PYGM: variants seen among roughly 807,000 people sequenced by gnomAD.
PYGM encodes glycogen phosphorylase, muscle associated.
Under a neutral mutation model 99.3 loss-of-function variants are expected in PYGM, and 81 were observed. The ratio of observed to expected loss-of-function variants is 0.82; its 90% CI spans 0.68 to 0.98. The LOEUF is 0.98. PYGM is among the 50% of genes least tolerant of loss of function. PYGM has a pLI of 0.00. For synonymous variants in PYGM, 436 were observed against 451.5 expected (o/e 0.97, Z 0.44); for missense variants, 1,030 against 1,158.1 (o/e 0.89, Z 1.61).
intron 5 of PYGM, among the ~76,000 whole-genome samples, chr11:64,756,619 G>GT (rs1305759683): frequency 6.6e-5 from 10 of 151,962 alleles, no homozygotes; most frequent in Non-Finnish European, 1.3e-4. Flanking sequence ...CCCGGCTAAT[G>GT]TTTTTGTGTT....
chr11:64,756,890 T>G (rs2058397740), intron 5 of PYGM, among the ~76,000 whole-genome samples: 1 of 152,196 alleles, frequency 6.6e-6, no homozygotes, highest in Non-Finnish European at 1.5e-5. Flanking sequence ...AGCCTTTAAA[T>G]CCTGGACTCA....
intron 1 of PYGM, 53 bp from the exon 2 acceptor site, chr11:64,758,757 C>T (rs551270093): frequency 1.3e-6 from 2 of 1,484,712 alleles, no homozygotes; most frequent in South Asian, 1.1e-5. Flanking sequence ...CACACCAACA[C>T]TCAGCCAGGC....
rs75633423 is a variant in PYGM at position 64,755,563 on chromosome 11, G to C, written c.661-5C>G. On this transcript the variant is annotated splice_region_variant and splice_polypyrimidine_tract_variant and intron_variant, in intron 5 of 19. Transcript: ENST00000164139. This position sits in a 1 kb window ranked among gnomAD's most constrained non-coding sequence, Gnocchi z 4.1. Reference sequence around the variant, plus strand: ...GTAGGGCATGGCCAGTACCACCTGCGGGGGGCAATCCTGTCAGGAGCTGGC... The same window carrying C: ...GTAGGGCATGGCCAGTACCACCTGCCGGGGGCAATCCTGTCAGGAGCTGGC... The C allele has an allele frequency of 3.1e-3, 5,020 of 1,612,032 alleles. 139 individuals carry two copies. In the African/African-American group the frequency reaches 0.058, roughly 19 times the overall value.
chr11:64,746,878 G>A lies in PYGM; in HGVS notation c.2379+43C>T, dbSNP rs146320496. On this transcript the variant is annotated intron_variant, in intron 19 of 19. Coordinates refer to ENST00000164139, the MANE Select transcript of PYGM (RefSeq NM_005609.4). ...TCCACCTTCTGCCTCATCCCAACCAGGGCCACCAAAGCCCTGCCAACCCCT... is the reference window on the plus strand; with the variant it reads ...TCCACCTTCTGCCTCATCCCAACCAAGGCCACCAAAGCCCTGCCAACCCCT... 750 of 1,614,150 alleles carry A rather than the reference G, an allele frequency of 4.6e-4. 1 individual carries two copies. In the African/African-American group the frequency reaches 8.5e-3, roughly 18 times the overall value.
intron 15 of PYGM, 55 bp downstream of exon 15, chr11:64,751,542 C>G (rs749126650): frequency 5.2e-5 from 84 of 1,614,030 alleles, no homozygotes; most frequent in Non-Finnish European, 6.7e-5. Context: ...CTGGGCTGAC[C>G]TCAACCTGGA....
chr11:64,760,007 TG>T (rs2058424370), upstream of PYGM: 1 of 1,519,478 alleles, frequency 6.6e-7, no homozygotes, highest in African/African-American at 1.4e-5. Flanking sequence ...ATTTAAAGCC[TG>T]GCTCTGGGCA....
intron 1 of PYGM, among the ~76,000 whole-genome samples, chr11:64,759,262 C>T (rs1033683086): frequency 2.6e-5 from 4 of 152,098 alleles, no homozygotes; most frequent in Admixed American, 1.3e-4. Flanking sequence ...TGACATTTAC[C>T]AGTGACCCCA....
At chr11:64,751,716 C>G in intron 14 of PYGM, 61 bp from the exon 15 acceptor site, 1 of 1,599,072 alleles carries the variant, frequency 6.3e-7, no homozygotes, top group Non-Finnish European at 8.6e-7. Context: ...TAGCTCCTGA[C>G]AGAGGCTGGG....
chr11:64,752,576 C>T, intron 12 of PYGM, 72 bp from the exon 13 acceptor site: 1 of 1,443,878 alleles, frequency 6.9e-7, no homozygotes, highest in Non-Finnish European at 9.6e-7. Context: ...GGGGCCATTT[C>T]CAGGTCAGCC....
intron 17 of PYGM, among the ~76,000 whole-genome samples, chr11:64,749,895 C>A (rs758773082): frequency 6.6e-6 from 1 of 151,042 alleles, no homozygotes; most frequent in African/African-American, 2.4e-5. Context: ...TGGATTCACA[C>A]CATTCTCCTG....
upstream of PYGM, chr11:64,760,254 GTGC>G (rs1276353108): frequency 3.4e-6 from 1 of 291,536 alleles, no homozygotes; most frequent in Admixed American, 4.4e-5. Context: ...AGCAGGCAGA[GTGC>G]TGGATTGGGG....
Position 64,759,972 on chromosome 11 carries a change from AGT to A in PYGM, c.-76_-75del. The A allele has an allele frequency of 6.3e-7, 1 of 1,588,562 alleles. No homozygotes were observed. The highest frequency in any genetic ancestry group is 8.6e-7 in the Non-Finnish European group (1 of 1,165,622). On this transcript the variant is annotated 5_prime_UTR_variant, in exon 1 of 20. Coordinates refer to ENST00000164139, the MANE Select transcript of PYGM (RefSeq NM_005609.4). ...GCCTCAGCACTGCCTCCAGCCAAGG[AGT>A]GGAGCTCCCCAGCCTCAAGGGGATT...
intron 16 of PYGM, 93 bp from the exon 17 acceptor site, chr11:64,750,676 G>A (rs2058350067): frequency 7.9e-6 from 10 of 1,259,022 alleles, no homozygotes; most frequent in Non-Finnish European, 1.1e-5. Flanking sequence ...GGCATAGCTG[G>A]ACTCAGAGTC....
chr11:64,752,865 C>T (rs995880180), intron 12 of PYGM, among the ~76,000 whole-genome samples: 1 of 152,242 alleles, frequency 6.6e-6, no homozygotes, highest in Non-Finnish European at 1.5e-5. Flanking sequence ...CCTCCACAGC[C>T]AGGGCCTCCA....
At chr11:64,759,542 G>T in intron 1 of PYGM, 114 bp downstream of exon 1, 2 of 1,516,920 alleles carry the variant, frequency 1.3e-6, no homozygotes, top group Admixed American at 3.6e-5. Context: ...GGCACCCCTG[G>T]ATTCTCCACC....
upstream of PYGM, chr11:64,760,041 T>C (rs1020102846): frequency 3.9e-5 from 50 of 1,288,706 alleles, no homozygotes; most frequent in African/African-American, 6.7e-4. Flanking sequence ...TCCCCTGCAA[T>C]GGGAGGGTCT....
At chr11:64,751,848 T>C (rs2135830372) in intron 14 of PYGM, 76 bp downstream of exon 14, 5 of 1,589,338 alleles carry the variant, frequency 3.1e-6, no homozygotes, top group Non-Finnish European at 3.5e-6. Context: ...AAAGGAGATG[T>C]TGGTTGGGCA....
chr11:64,759,703 C>T lies in PYGM; in HGVS notation c.196G>A (p.Gly66Arg). The T allele has an allele frequency of 6.2e-7, 1 of 1,614,178 alleles. No individual in the cohort carries two copies. The highest frequency in any genetic ancestry group is 8.5e-7 in the Non-Finnish European group (1 of 1,180,024). ...LAHTVRDHLV[G>R]RWIRTQQHYY... The stretch of plus-strand genomic sequence containing the variant: ...TGCTGCTGCGTGCGGATCCAGCGCC[C>T]CACGAGGTGGTCGCGCACGGTATGG... The change falls in exon 1 of 20, where the codon GGG becomes AGG. Residue 66 changes from glycine to arginine, a missense_variant. Coordinates refer to ENST00000164139, the MANE Select transcript of PYGM (RefSeq NM_005609.4).
In PYGM at chr11:64,752,458, A is replaced by G. The variant is rs2058363415; in HGVS notation, c.1565T>C (p.Leu522Pro). Residue 522 changes from leucine (L) to proline (P), a missense_variant, in exon 13 of 20, where the codon CTG becomes CCG. Transcript: ENST00000164139. ...AGCTTCATCATCCACAAAGGAGAGCAGTTTGCGCAGCTGGTCCAGGTCAGA... is the reference window on the plus strand; with the variant it reads ...AGCTTCATCATCCACAAAGGAGAGCGGTTTGCGCAGCTGGTCCAGGTCAGA... ...FISDLDQLRK[L>P]LSFVDDEAFI... The G allele has an allele frequency of 6.2e-7, 1 of 1,614,254 alleles. No individual in the cohort carries two copies. Among genetic ancestry groups the G allele is most frequent in the East Asian group, 2.2e-5 (1 of 44,886 alleles).
Sources: gnomAD v4.1 joint callset for allele counts (sites outside exome capture counted in the v4.1 genomes callset) on GRCh38, gnomAD v4.1.1 for gene constraint, Gnocchi (gnomAD v3.1) non-coding constraint, MANE v1.5 for transcripts, NCBI Gene and HGNC (gene_info 2026-07-23, HGNC 2026-07-21) for gene names.